GRID1: variants seen among roughly 807,000 people sequenced by gnomAD.
The protein encoded by GRID1 is glutamate receptor ionotropic, delta-1.
A neutral mutation model predicts 98.0 loss-of-function variants in GRID1; 28 were observed. That is an observed-to-expected ratio of 0.29 (90% CI 0.21 to 0.39). The LOEUF (loss-of-function observed/expected upper bound fraction) is 0.39, where lower values mean the gene tolerates loss of function less well. Among genes scored for constraint, GRID1 ranks in the 10% least tolerant of loss-of-function variants. The pLI, the probability that GRID1 is intolerant of heterozygous loss-of-function variation, is 1.00. For missense variants in GRID1, 1,111 were observed against 1,340.5 expected (o/e 0.83, Z 2.67); for synonymous variants, 553 against 538.5 (o/e 1.03, Z -0.37).
At chr10:86,288,967 C>A (rs528522186) in intron 2 of GRID1, among the ~76,000 whole-genome samples, 1 of 152,276 alleles carries the variant, frequency 6.6e-6, no homozygotes, top group East Asian at 1.9e-4. Context: ...CACAGCTCAC[C>A]CCACCATGTC....
Position 85,602,447 on chromosome 10 carries a change from C to G in GRID1, c.2856G>C (p.Pro952=), listed in dbSNP as rs200390116. 1 of 1,613,990 alleles carries G rather than the reference C, an allele frequency of 6.2e-7. No homozygotes were observed. Among genetic ancestry groups the G allele is most frequent in the Admixed American group, 1.7e-5 (1 of 60,006 alleles). ...TGGTCGCCGAGCTGCTCAGCGGCAG[C>G]GGCAGGTTGCTGCTGGGCCCTGATG... The part of the protein sequence containing the change: ...TLSSGPSSNL[P]LPLSSSATMP... Residue 952 remains proline, a synonymous_variant, in exon 16 of 16, where the codon CCG becomes CCC. Coordinates refer to ENST00000327946, the MANE Select transcript of GRID1 (RefSeq NM_017551.3).
rs1842553814 is a variant in GRID1 at position 85,600,116 on chromosome 10, T to C, written c.*2157A>G. On this transcript the variant is annotated 3_prime_UTR_variant, in exon 16 of 16. Coordinates refer to ENST00000327946, the MANE Select transcript of GRID1 (RefSeq NM_017551.3). ...GAGATAAGGCAGTGAGACCAGAGTT[T>C]GATTAAAAAAATAGAGAGATATATA... 1 of 152,134 alleles carries C rather than the reference T, an allele frequency of 6.6e-6. No homozygotes were observed. Among genetic ancestry groups the C allele is most frequent in the South Asian group, 2.1e-4 (1 of 4,800 alleles). 9.4% of individuals were successfully genotyped at this position (152,134 alleles called of 1,614,324 possible).
intron 8 of GRID1, among the ~76,000 whole-genome samples, chr10:85,753,599 A>T (rs1265985362): frequency 6.6e-6 from 1 of 152,216 alleles, no homozygotes; most frequent in Non-Finnish European, 1.5e-5. Context: ...TCTAGACTTT[A>T]TCTGGTCTAA....
At chr10:86,307,512 A>G (rs1419765817) in intron 2 of GRID1, among the ~76,000 whole-genome samples, 1 of 152,230 alleles carries the variant, frequency 6.6e-6, no homozygotes, top group Non-Finnish European at 1.5e-5. Context: ...AGCAGAGCAT[A>G]GAAAGGTGGT....
At chr10:86,035,026 T>C (rs910966004) in intron 4 of GRID1, among the ~76,000 whole-genome samples, 1 of 152,050 alleles carries the variant, frequency 6.6e-6, no homozygotes, top group Admixed American at 6.5e-5. Context: ...GGGGACTTAC[T>C]AAATCTAGGA....
intron 2 of GRID1, among the ~76,000 whole-genome samples, chr10:86,281,871 C>T (rs1847362482): frequency 6.6e-6 from 1 of 152,198 alleles, no homozygotes; most frequent in African/African-American, 2.4e-5. Flanking sequence ...CTCCTTCCTC[C>T]AGCCCACAGT....
intron 4 of GRID1, among the ~76,000 whole-genome samples, chr10:86,090,975 A>G (rs1844137785): frequency 6.6e-6 from 1 of 152,202 alleles, no homozygotes; most frequent in Non-Finnish European, 1.5e-5. Context: ...AAGCAGCAGA[A>G]GGCCCTGGGA....
At chr10:85,648,168 GC>G (rs1049900779) in intron 12 of GRID1, 1 of 152,222 alleles carries the variant, frequency 6.6e-6, no homozygotes, top group African/African-American at 2.4e-5. Flanking sequence ...GTGGCAGGTG[GC>G]TCCAGCCAGG....
chr10:86,104,775 A>G (rs1455883279), intron 4 of GRID1, among the ~76,000 whole-genome samples: 1 of 152,220 alleles, frequency 6.6e-6, no homozygotes, highest in Non-Finnish European at 1.5e-5. Flanking sequence ...CACCATGGTC[A>G]GGTCCAGCTG....
chr10:85,956,308 G>A (rs1239646577), intron 4 of GRID1, among the ~76,000 whole-genome samples: 2 of 152,058 alleles, frequency 1.3e-5, no homozygotes, highest in Non-Finnish European at 2.9e-5. Flanking sequence ...TCTCTAATTG[G>A]CTGTGCCAAC....
intron 6 of GRID1, 39 bp downstream of exon 6, chr10:85,868,971 T>C: frequency 6.3e-7 from 1 of 1,585,670 alleles, no homozygotes; most frequent in Non-Finnish European, 8.6e-7. Flanking sequence ...GGTGAGACTC[T>C]TGGTGGAGGG....
intron 2 of GRID1, among the ~76,000 whole-genome samples, chr10:86,352,002 G>A (rs1848469937): frequency 6.6e-6 from 1 of 152,230 alleles, no homozygotes. Context: ...TGTGTGTAAA[G>A]AGGGGCAGTG....
chr10:85,991,294 C>G (rs998168812), intron 4 of GRID1, among the ~76,000 whole-genome samples: 1 of 151,962 alleles, frequency 6.6e-6, no homozygotes, highest in Admixed American at 6.6e-5. Context: ...TAGAGTCATT[C>G]TGAGAGGTGG....
intron 3 of GRID1, among the ~76,000 whole-genome samples, chr10:86,166,770 AC>A (rs1845405136): frequency 6.6e-6 from 1 of 152,184 alleles, no homozygotes. Context: ...CTCAGTCCTC[AC>A]AGCCATGTCT....
chr10:86,247,144 GGATGGATGAGTGGAT>G (rs1846742092), intron 2 of GRID1, among the ~76,000 whole-genome samples: 2 of 152,206 alleles, frequency 1.3e-5, no homozygotes, highest in South Asian at 4.1e-4. Context: ...GTAGGTGGAT[GGATGGATGAGTGGAT>G]GATGGATGGA....
intron 5 of GRID1, among the ~76,000 whole-genome samples, chr10:85,898,551 G>A (rs1383141985): frequency 1.3e-5 from 2 of 151,872 alleles, no homozygotes; most frequent in African/African-American, 4.8e-5. Flanking sequence ...ACAAAATATT[G>A]TTTTCTTTAT....
chr10:86,346,212 C>A (rs1848379609), intron 2 of GRID1, among the ~76,000 whole-genome samples: 1 of 152,250 alleles, frequency 6.6e-6, no homozygotes, highest in Admixed American at 6.5e-5. Flanking sequence ...GTTCTGCCAG[C>A]TGGAAACACC....
chr10:85,849,873 G>A (rs1276961147), intron 8 of GRID1, among the ~76,000 whole-genome samples: 1 of 152,188 alleles, frequency 6.6e-6, no homozygotes, highest in Admixed American at 6.5e-5. Flanking sequence ...ACTTTGTAGG[G>A]CCAGAGTAAA....
At chr10:85,669,807 A>G (rs1284280378) in intron 12 of GRID1, among the ~76,000 whole-genome samples, 1 of 152,192 alleles carries the variant, frequency 6.6e-6, no homozygotes, top group East Asian at 1.9e-4. Flanking sequence ...ACTAAAATGG[A>G]AGCTCTTTCA....
Sources: allele counts gnomAD v4.1 joint callset (sites outside exome capture counted in the v4.1 genomes callset), GRCh38; gene constraint gnomAD v4.1.1; transcripts MANE v1.5; gene names NCBI Gene and HGNC (gene_info 2026-07-23, HGNC 2026-07-21).